SYT7: variants seen among roughly 807,000 people sequenced by gnomAD.
The protein encoded by SYT7 is synaptotagmin 7, also known as synaptotagmin-7.
SYT7 carries 29 observed loss-of-function variants against 75.1 expected under a neutral mutation model. That is an observed-to-expected ratio of 0.39 (90% CI 0.29 to 0.53). SYT7 has a LOEUF of 0.53. SYT7 is among the 20% of genes least tolerant of loss of function. The pLI is 0.77. For synonymous variants in SYT7, 376 were observed against 401.7 expected, an observed-to-expected ratio of 0.94 and a Z score of 0.76; for missense variants, 693 against 953.2, an observed-to-expected ratio of 0.73 and a Z score of 3.59.
chr11:61,546,310 G>T lies in SYT7; in HGVS notation c.348-55C>A. ...GAGGGGCACCGGGGGTGGCGGTGGG[G>T]GAGAGAGGGCAGGCCATACGTGGGG... is the stretch of plus-strand genomic sequence containing the variant. On this transcript the variant is annotated intron_variant, in intron 4 of 12. Transcript: ENST00000539008. The surrounding 1 kb of genome is among the most constrained non-coding windows in gnomAD (Gnocchi z 7.6). 7.8e-7 allele frequency: 1 copy of T among 1,279,820 alleles called. No homozygotes were observed. Among genetic ancestry groups the T allele is most frequent in the Non-Finnish European group, 1.0e-6 (1 of 973,644 alleles). 79.3% of individuals were successfully genotyped at this position (1,279,820 alleles called of 1,614,324 possible). A position where few individuals can be genotyped will look rare whatever the true frequency, so the allele number is the denominator to read the frequency against.
chr11:61,545,776 G>A (rs563295891), intron 5 of SYT7, among the ~76,000 whole-genome samples: 12 of 152,320 alleles, frequency 7.9e-5, no homozygotes, highest in African/African-American at 2.6e-4. Context: ...GGCAGAAAAT[G>A]GAATGACCTG....
chr11:61,566,487 G>A (rs1478387039), intron 1 of SYT7, among the ~76,000 whole-genome samples: 1 of 152,222 alleles, frequency 6.6e-6, no homozygotes, highest in African/African-American at 2.4e-5. Context: ...TCTGAGCTGG[G>A]AGCCCAGACT....
intron 7 of SYT7, chr11:61,533,479 T>C: frequency 2.0e-6 from 2 of 985,410 alleles, no homozygotes; most frequent in South Asian, 4.7e-5. Context: ...CAGAGGCTTG[T>C]TCTATCCCAT....
chr11:61,575,739 G>T (rs1043135571), intron 1 of SYT7, among the ~76,000 whole-genome samples: 1 of 152,152 alleles, frequency 6.6e-6, no homozygotes, highest in Non-Finnish European at 1.5e-5. Flanking sequence ...AGCTCCCCAC[G>T]CACCTCAACG....
chr11:61,588,078 G>A, the SYT7 span, among the ~76,000 whole-genome samples: 1 of 152,194 alleles, frequency 6.6e-6, no homozygotes, highest in African/African-American at 2.4e-5. Flanking sequence ...TGACTGTCCC[G>A]GTTCCGCGAT....
Position 61,528,124 on chromosome 11 carries a change from C to T in SYT7, c.1262G>A (p.Arg421Gln), listed in dbSNP as rs749465457. The T allele has an allele frequency of 1.2e-5, 20 of 1,613,498 alleles. No homozygotes were observed. Among genetic ancestry groups the T allele is most frequent in the Admixed American group, 5.0e-5 (3 of 60,012 alleles). Residue 421 changes from arginine to glutamine, a missense_variant, in exon 9 of 13, where the codon CGG (arginine) becomes CAG (glutamine). Around this residue, in one of 2 missense-constraint regions of SYT7, gnomAD observed 206 missense variants for 360.0 expected, o/e 0.57. Transcript: ENST00000539008. Reference protein sequence around the residue: ...HEGCSRENLGRIQFSVGYNFQ... With the variant: ...HEGCSRENLGQIQFSVGYNFQ... ...GTTGTAGCCGACACTGAACTGGATC[C>T]GGCCCAGGTTCTCTCGGCTGCAACC...
At chr11:61,583,704 C>T (rs945723087), upstream of SYT7, among the ~76,000 whole-genome samples, 1 of 152,240 alleles carries the variant, frequency 6.6e-6, no homozygotes, top group Non-Finnish European at 1.5e-5. Context: ...ATCCTCTCCT[C>T]ACGGGCATTA....
Position 61,542,546 on chromosome 11 carries a change from G to A in SYT7, c.606C>T (p.Thr202=). Residue 202 remains threonine (T), a synonymous_variant, in exon 6 of 13, where the codon ACC becomes ACT. Transcript: ENST00000539008. This position sits in a 1 kb window ranked among gnomAD's most constrained non-coding sequence, Gnocchi z 7.8. ...FEDSTLSTAT[T]LESIPSSTGE... is the part of the protein sequence containing the mutation. ...CCGTGGAGCTGGGGATAGACTCAAGGGTAGTGGCCGTGGACAGGGTGGAGT... is the reference window on the plus strand; with the variant it reads ...CCGTGGAGCTGGGGATAGACTCAAGAGTAGTGGCCGTGGACAGGGTGGAGT... 6.6e-7 allele frequency: 1 copy of A among 1,524,114 alleles called. No individual in the cohort carries two copies. Among genetic ancestry groups the A allele is most frequent in the Non-Finnish European group, 8.8e-7 (1 of 1,139,842 alleles). The allele number at this position is 1,524,114 out of a possible 1,614,324, so 94.4% of individuals were successfully genotyped here.
intron 7 of SYT7, among the ~76,000 whole-genome samples, chr11:61,537,220 C>G (rs1190599246): frequency 2.0e-5 from 3 of 152,156 alleles, no homozygotes; most frequent in Admixed American, 1.3e-4. Flanking sequence ...CTAATTCATC[C>G]TGGAAACCAC....
chr11:61,533,288 G>A, intron 7 of SYT7, 164 bp from the exon 8 acceptor site: 3 of 985,442 alleles, frequency 3.0e-6, no homozygotes, highest in Non-Finnish European at 3.6e-6. Flanking sequence ...GGTTTTCCCT[G>A]GAGACCCATG....
At chr11:61,564,907 G>T (rs1176685921) in intron 1 of SYT7, among the ~76,000 whole-genome samples, 1 of 152,202 alleles carries the variant, frequency 6.6e-6, no homozygotes, top group Non-Finnish European at 1.5e-5. Flanking sequence ...AGGACAGGTT[G>T]GGGGCTGGGT....
rs531421439 is a variant in SYT7 at position 61,523,289 on chromosome 11, G to A, written c.1757-15C>T. 2.5e-6 allele frequency: 4 copies of A among 1,613,552 alleles called. No individual in the cohort carries two copies. The highest frequency in any genetic ancestry group is 3.3e-5 in the Admixed American group (2 of 60,014). ...CACGTAGGGGTCTAGGGGAGGGAGT[G>A]GGGAAGGGTTAGAGGGACCGTGGGG... On this transcript the variant is annotated splice_polypyrimidine_tract_variant and intron_variant, in intron 11 of 12. Transcript: ENST00000539008. The surrounding 1 kb of genome is among the most constrained non-coding windows in gnomAD (Gnocchi z 5.0).
chr11:61,547,131 G>T, intron 4 of SYT7, 46 bp downstream of exon 4: 2 of 1,529,364 alleles, frequency 1.3e-6, no homozygotes, highest in Non-Finnish European at 1.7e-6. Flanking sequence ...AGGAGGGCGT[G>T]CGCGGATACT....
Position 61,518,504 on chromosome 11 carries a change from G to T in SYT7, c.*123C>A. The stretch of plus-strand genomic sequence containing the variant: ...CAGTTGAGTCCTGGGACCCCTCCCT[G>T]GCTGAGCCCTCAGGGTCCTCCCCTC... On this transcript the variant is annotated 3_prime_UTR_variant, in exon 13 of 13. Transcript: ENST00000539008. 1.6e-6 allele frequency: 1 copy of T among 629,462 alleles called. No homozygotes were observed. The highest frequency in any genetic ancestry group is 2.6e-6 in the Non-Finnish European group (1 of 386,672). 39.0% of individuals were successfully genotyped at this position (629,462 alleles called of 1,614,324 possible). A position where few individuals can be genotyped will look rare whatever the true frequency, so the allele number is the denominator to read the frequency against.
intron 12 of SYT7, among the ~76,000 whole-genome samples, chr11:61,521,444 A>G (rs78023624): frequency 0.023 from 3,558 of 152,274 alleles, 79 homozygotes; most frequent in Non-Finnish European, 0.032. Flanking sequence ...GTGCTTGGCA[A>G]GACCCGAGCC....
chr11:61,540,216 C>A (rs375061323), intron 6 of SYT7: 1 of 152,090 alleles, frequency 6.6e-6, no homozygotes, highest in African/African-American at 2.4e-5. Context: ...GGAGTCACGA[C>A]CATCAAGCAG....
chr11:61,542,644 A>G lies in SYT7; in HGVS notation c.573-65T>C. 1 of 1,427,496 alleles carries G rather than the reference A, an allele frequency of 7.0e-7. No homozygotes were observed. The allele number at this position is 1,427,496 out of a possible 1,614,324, so 88.4% of individuals were successfully genotyped here. ...ATGAAGGGATCACAGTGGAAGAGAA[A>G]GAAGCCGAGGGCCAGGACTAGGAGG... On this transcript the variant is annotated intron_variant, in intron 5 of 12. Transcript: ENST00000539008. The surrounding 1 kb of genome is among the most constrained non-coding windows in gnomAD (Gnocchi z 7.8).
intron 7 of SYT7, chr11:61,533,367 T>C (rs2062768933): frequency 2.0e-6 from 2 of 985,240 alleles, no homozygotes; most frequent in African/African-American, 3.5e-5. Flanking sequence ...ATAGGGGATA[T>C]TTTGGGGGGT....
Position 61,527,580 on chromosome 11 carries a change from C to T in SYT7, c.1471+335G>A, listed in dbSNP as rs76713343. Among the ~76,000 whole-genome samples, 36 of 152,302 alleles carry T rather than the reference C, an allele frequency of 2.4e-4. No individual in the cohort carries two copies. The East Asian group carries it at 5.6e-3, about 24-fold the overall frequency. On this transcript the variant is annotated intron_variant, in intron 9 of 12. Transcript: ENST00000539008. Reference sequence around the variant, plus strand: ...TCTGTGGCTGGGCTGAAACACCAGGCGGTGGCCCAGCTTCCCTCCTCGGCC... The same window carrying T: ...TCTGTGGCTGGGCTGAAACACCAGGTGGTGGCCCAGCTTCCCTCCTCGGCC...
Sources: allele counts gnomAD v4.1 joint callset (sites outside exome capture counted in the v4.1 genomes callset), GRCh38; gene constraint gnomAD v4.1.1; regional missense constraint gnomAD v4.1.1; non-coding constraint Gnocchi (gnomAD v3.1); transcripts MANE v1.5; gene names NCBI Gene and HGNC (gene_info 2026-07-23, HGNC 2026-07-21).